The following MIPOL1 variants were observed in gnomAD, a reference collection of about 807,000 sequenced individuals.
The protein encoded by MIPOL1 is mirror-image polydactyly 1.
In MIPOL1, 57 loss-of-function variants were observed where a neutral mutation model predicts 60.9. The observed-to-expected ratio is 0.94, with a 90% CI of 0.76 to 1.17. The LOEUF (loss-of-function observed/expected upper bound fraction) is 1.17, where lower values mean the gene tolerates loss of function less well. Ranked by LOEUF, MIPOL1 falls within the 50% of genes most tolerant of loss-of-function variation. The pLI, the probability that MIPOL1 is intolerant of heterozygous loss-of-function variation, is 0.00. For missense variants in MIPOL1, 551 were observed against 511.6 expected, an observed-to-expected ratio of 1.08 and a Z score of -0.74; for synonymous variants, 179 against 168.8, an observed-to-expected ratio of 1.06 and a Z score of -0.47.
In MIPOL1 at chr14:37,403,524, C is replaced by T. The variant is rs1172674846; in HGVS notation, c.937-19331C>T. On this transcript the variant is annotated intron_variant, in intron 10 of 12. Coordinates refer to ENST00000684589, the MANE Select transcript of MIPOL1 (RefSeq NM_001388067.1). ...CTCCTGGCTGCAAGCAATCCTCTCACCTTGGCCTCCTAAAGTGCTGGGAGT... is the reference window on the plus strand; with the variant it reads ...CTCCTGGCTGCAAGCAATCCTCTCATCTTGGCCTCCTAAAGTGCTGGGAGT... Among the ~76,000 whole-genome samples, 3 of 145,004 alleles carry T rather than the reference C, an allele frequency of 2.1e-5. No individual in the cohort carries two copies. In the East Asian group the frequency reaches 6.4e-4, roughly 31 times the overall value.
At chr14:37,449,324 C>A (rs1594389375) in intron 11 of MIPOL1, among the ~76,000 whole-genome samples, 1 of 152,088 alleles carries the variant, frequency 6.6e-6, no homozygotes, top group African/African-American at 2.4e-5. Flanking sequence ...CCTACATACA[C>A]TCAGATTATA....
chr14:37,327,748 A>G (rs2089301522), intron 9 of MIPOL1, among the ~76,000 whole-genome samples: 1 of 152,360 alleles, frequency 6.6e-6, no homozygotes. Context: ...GGTCTAGCAC[A>G]GACAAAAAAT....
chr14:37,543,188 T>C (rs1306681413), intron 12 of MIPOL1, among the ~76,000 whole-genome samples: 1 of 152,258 alleles, frequency 6.6e-6, no homozygotes, highest in Non-Finnish European at 1.5e-5. Flanking sequence ...ATCTTTCAAA[T>C]GCATCTCCTT....
At chr14:37,241,460 A>G (rs928628079) in intron 1 of MIPOL1, among the ~76,000 whole-genome samples, 1 of 151,848 alleles carries the variant, frequency 6.6e-6, no homozygotes, top group African/African-American at 2.4e-5. Context: ...ACTCATGCCT[A>G]TAATCCCAGC....
chr14:37,363,461 T>C (rs1008492853), intron 9 of MIPOL1, among the ~76,000 whole-genome samples: 5 of 152,176 alleles, frequency 3.3e-5, no homozygotes, highest in Non-Finnish European at 7.3e-5. Context: ...ACAGTAAATA[T>C]TGCAGAACAG....
chr14:37,244,311 C>T lies in MIPOL1; in HGVS notation c.-198-2792C>T, dbSNP rs371339161. On this transcript the variant is annotated intron_variant, in intron 1 of 12. Coordinates refer to ENST00000684589, the MANE Select transcript of MIPOL1 (RefSeq NM_001388067.1). ...AATTTTTTTTTATTTTTAGTAGAGA[C>T]GGGGTTTCACCATGTTGGCCAGGAT... is the stretch of plus-strand genomic sequence containing the variant. Among the ~76,000 whole-genome samples the T allele has an allele frequency of 2.1e-4, 32 of 151,302 alleles. No homozygotes were observed. In the East Asian group the frequency reaches 5.5e-3, roughly 26 times the overall value.
intron 7 of MIPOL1, among the ~76,000 whole-genome samples, chr14:37,287,072 G>A (rs1445979080): frequency 2.0e-5 from 3 of 152,066 alleles, no homozygotes; most frequent in Non-Finnish European, 4.4e-5. Context: ...GCTGTATAGC[G>A]ATGGACAAAT....
chr14:37,500,188 A>G, intron 12 of MIPOL1, 50 bp downstream of exon 12: 1 of 1,234,128 alleles, frequency 8.1e-7, no homozygotes, highest in Non-Finnish European at 1.1e-6. Flanking sequence ...AAACAAAACA[A>G]AACACTTTCT....
intron 10 of MIPOL1, among the ~76,000 whole-genome samples, chr14:37,420,356 T>C (rs1361776161): frequency 6.6e-6 from 1 of 152,062 alleles, no homozygotes; most frequent in Admixed American, 6.6e-5. Flanking sequence ...ATGCATTTAT[T>C]TTTGCAAGTA....
rs193197857 is a variant in MIPOL1 at position 37,533,616 on chromosome 14, A to T, written c.1263-13289A>T. Among the ~76,000 whole-genome samples the T allele has an allele frequency of 1.3e-3, 201 of 152,322 alleles. 1 individual carries two copies. Among genetic ancestry groups the T allele is most frequent in the African/African-American group, 4.5e-3 (186 of 41,574 alleles). ...AACACAAACACCAGAATAAGGCAAA[A>T]AGAGGGACTTTCCCACTAATCTACA... On this transcript the variant is annotated intron_variant, in intron 12 of 12. Coordinates refer to ENST00000684589, the MANE Select transcript of MIPOL1 (RefSeq NM_001388067.1).
At chr14:37,310,633 T>C (rs2087242218) in intron 9 of MIPOL1, among the ~76,000 whole-genome samples, 1 of 152,202 alleles carries the variant, frequency 6.6e-6, no homozygotes, top group African/African-American at 2.4e-5. Flanking sequence ...CATAAAATGT[T>C]TGATATTAGT....
intron 1 of MIPOL1, among the ~76,000 whole-genome samples, chr14:37,203,895 G>T (rs1965681498): frequency 6.6e-6 from 1 of 152,082 alleles, no homozygotes; most frequent in Non-Finnish European, 1.5e-5. Context: ...CAATTCTCCT[G>T]CCTCAGCCTC....
rs78654412 is a variant in MIPOL1, at chr14:37,539,991, G to T, written c.1263-6914G>T. Among the ~76,000 whole-genome samples, 1,520 of 152,170 alleles carry T rather than the reference G, an allele frequency of 1.0e-2. 29 individuals carry two copies. The highest frequency in any genetic ancestry group is 0.034 in the African/African-American group (1,420 of 41,528). ...TTTAGAGGGGGCTTTTCCCCCTTTT[G>T]CTTTACACTTCTCCTTGCTGCTGTC... On this transcript the variant is annotated intron_variant, in intron 12 of 12. Transcript: ENST00000684589.
At chr14:37,471,478 CAGTT>C (rs1470742633) in intron 11 of MIPOL1, among the ~76,000 whole-genome samples, 1 of 152,138 alleles carries the variant, frequency 6.6e-6, no homozygotes, top group African/African-American at 2.4e-5. Context: ...TGAGGCTTAA[CAGTT>C]AGAGATCTGG....
At chr14:37,284,324 TGTA>T (rs1265692442) in intron 6 of MIPOL1, among the ~76,000 whole-genome samples, 1 of 152,010 alleles carries the variant, frequency 6.6e-6, no homozygotes, top group Non-Finnish European at 1.5e-5. Context: ...CCATGATCAT[TGTA>T]TTATTATTAT....
intron 9 of MIPOL1, among the ~76,000 whole-genome samples, chr14:37,367,275 G>A (rs1309311108): frequency 3.3e-5 from 5 of 152,016 alleles, no homozygotes; most frequent in African/African-American, 9.7e-5. Flanking sequence ...TGTGGGGAAT[G>A]TGTTAGGATT....
At chr14:37,499,871 A>C (rs1485557619) in intron 11 of MIPOL1, 37 bp from the exon 12 acceptor site, 1 of 1,165,134 alleles carries the variant, frequency 8.6e-7, no homozygotes, top group East Asian at 2.5e-5. Context: ...CTCAGTTTAC[A>C]TTACTTATCT....
rs1490601838 is a variant in MIPOL1, at chr14:37,500,107, G to C, written c.1231G>C (p.Ala411Pro). 1.9e-6 allele frequency: 3 copies of C among 1,611,666 alleles called. No individual in the cohort carries two copies. The Admixed American group carries it at 5.0e-5, about 27-fold the overall frequency. ...MELQLQHARE[A>P]SQVANEKVQK... Reference sequence around the variant, plus strand: ...ATTACAACTTCAACATGCCAGAGAGGCCTCCCAAGTGGCCAATGAAAAAGT... The same window carrying C: ...ATTACAACTTCAACATGCCAGAGAGCCCTCCCAAGTGGCCAATGAAAAAGT... Residue 411 changes from alanine to proline, a missense_variant, in exon 12 of 13, where the codon GCC becomes CCC. Transcript: ENST00000684589.
chr14:37,408,258 T>C (rs2093625721), intron 10 of MIPOL1, among the ~76,000 whole-genome samples: 1 of 152,190 alleles, frequency 6.6e-6, no homozygotes, highest in South Asian at 2.1e-4. Context: ...TTTTCATATA[T>C]TTTTATTTTA....
Sources: allele counts gnomAD v4.1 joint callset (sites outside exome capture counted in the v4.1 genomes callset), GRCh38; gene constraint gnomAD v4.1.1; transcripts MANE v1.5; gene names NCBI Gene and HGNC (gene_info 2026-07-23, HGNC 2026-07-21).